Variants in EMC2 observed in about 807,000 individuals in gnomAD.
The protein encoded by EMC2 is TPR repeat protein 35.
A neutral mutation model predicts 51.6 loss-of-function variants in EMC2; 37 were observed. The observed-to-expected ratio is 0.72, with a 90% CI of 0.55 to 0.94. The LOEUF is 0.94. Ranked by LOEUF, EMC2 falls within the 40% of genes least tolerant of loss-of-function variation. The pLI is 0.00. For synonymous variants in EMC2, 131 were observed against 112.4 expected, an observed-to-expected ratio of 1.17 and a Z score of -1.04; for missense variants, 359 against 350.9, an observed-to-expected ratio of 1.02 and a Z score of -0.18.
chr8:108,443,919 C>G (rs955365478), intron 1 of EMC2, among the ~76,000 whole-genome samples: 1 of 152,164 alleles, frequency 6.6e-6, no homozygotes, highest in Non-Finnish European at 1.5e-5. Flanking sequence ...GTTGACCTGC[C>G]CTCCTCCGCG....
chr8:108,444,726 CTT>C (rs1178700570), intron 1 of EMC2, among the ~76,000 whole-genome samples: 1 of 152,148 alleles, frequency 6.6e-6, no homozygotes, highest in African/African-American at 2.4e-5. Flanking sequence ...GATTTATTGA[CTT>C]TATGGCCTCT....
rs769017888 is a variant in EMC2, at chr8:108,487,949, C to A, written c.*1351C>A. On this transcript the variant is annotated 3_prime_UTR_variant, in exon 11 of 11. Coordinates refer to ENST00000220853, the MANE Select transcript of EMC2 (RefSeq NM_014673.5). ...CTAATCTTTATTACCACAAAGATCCCGTCTTTGTACACATGAAATTAGTAA... is the reference window on the plus strand; with the variant it reads ...CTAATCTTTATTACCACAAAGATCCAGTCTTTGTACACATGAAATTAGTAA... Among the ~76,000 whole-genome samples, 23 of 152,096 alleles carry A rather than the reference C, an allele frequency of 1.5e-4. No individual in the cohort carries two copies. Among genetic ancestry groups the A allele is most frequent in the Non-Finnish European group, 2.9e-4 (20 of 68,006 alleles).
chr8:108,476,253 A>G (rs993372356), intron 8 of EMC2, among the ~76,000 whole-genome samples: 1 of 151,810 alleles, frequency 6.6e-6, no homozygotes, highest in African/African-American at 2.4e-5. Flanking sequence ...CTTGTGAGAC[A>G]TTTATAGTGA....
At chr8:108,467,957 A>T (rs1319482231) in intron 5 of EMC2, among the ~76,000 whole-genome samples, 1 of 152,174 alleles carries the variant, frequency 6.6e-6, no homozygotes, top group Non-Finnish European at 1.5e-5. Context: ...CTTTATATTG[A>T]TGCTTGAAGA....
chr8:108,453,216 T>A (rs1404862111), intron 4 of EMC2, 69 bp downstream of exon 4: 11 of 810,354 alleles, frequency 1.4e-5, no homozygotes, highest in Non-Finnish European at 2.0e-5. Flanking sequence ...TTTTTTTTTT[T>A]AATTCAGACA....
chr8:108,445,641 C>T (rs894514447), intron 1 of EMC2, among the ~76,000 whole-genome samples: 1 of 151,750 alleles, frequency 6.6e-6, no homozygotes, highest in Non-Finnish European at 1.5e-5. Flanking sequence ...ACAAAACACA[C>T]CTGCAATCCT....
chr8:108,473,742 G>A (rs530079416), intron 7 of EMC2: 26 of 152,096 alleles, frequency 1.7e-4, no homozygotes, highest in Non-Finnish European at 3.5e-4. Flanking sequence ...ACCAAATACT[G>A]TAACCTTTAG....
At chr8:108,446,446 C>T (rs1188751552) in intron 1 of EMC2, 1 of 240,806 alleles carries the variant, frequency 4.2e-6, no homozygotes, top group Non-Finnish European at 8.8e-6. Flanking sequence ...TGATGAAAGC[C>T]TGGGCATGGA....
At position 108,477,184 on chromosome 8, in the gene EMC2, A is replaced by T. The variant is rs564007738; in HGVS notation, c.702+292A>T. Among the ~76,000 whole-genome samples the T allele has an allele frequency of 7.2e-5, 11 of 152,040 alleles. No homozygotes were observed. The South Asian group carries it at 1.4e-3, about 20-fold the overall frequency. On this transcript the variant is annotated intron_variant, in intron 9 of 10. Transcript: ENST00000220853. ...GAAGAAAACATGATTTCTTGTTTTGATATTCTTGGGTTTATGCCCAACATT... is the reference window on the plus strand; with the variant it reads ...GAAGAAAACATGATTTCTTGTTTTGTTATTCTTGGGTTTATGCCCAACATT...
intron 10 of EMC2, among the ~76,000 whole-genome samples, chr8:108,483,110 C>G (rs1234763768): frequency 2.6e-5 from 4 of 152,066 alleles, no homozygotes; most frequent in Non-Finnish European, 4.4e-5. Context: ...TACCTAACAT[C>G]TCTTGCTGTA....
chr8:108,445,567 C>G (rs1471194652), intron 1 of EMC2, among the ~76,000 whole-genome samples: 2 of 151,810 alleles, frequency 1.3e-5, no homozygotes, highest in Admixed American at 6.6e-5. Flanking sequence ...ACTCTACTAC[C>G]CCCTTCCCTT....
rs200383361 is a variant in EMC2 at position 108,475,997 on chromosome 8, A to G, written c.591+34A>G. ...TTTCAGAACAATGGCATATAATTTT[A>G]TTTTGGTTACTATTCGGTGTTATTA... is the stretch of plus-strand genomic sequence containing the variant. On this transcript the variant is annotated intron_variant, in intron 8 of 10. Coordinates refer to ENST00000220853, the MANE Select transcript of EMC2 (RefSeq NM_014673.5). The G allele has an allele frequency of 2.3e-5, 28 of 1,216,364 alleles. No individual in the cohort carries two copies. In the East Asian group the frequency reaches 5.9e-4, roughly 26 times the overall value. 75.3% of individuals were successfully genotyped at this position (1,216,364 alleles called of 1,614,324 possible). A position where few individuals can be genotyped will look rare whatever the true frequency, so the allele number is the denominator to read the frequency against.
rs778840669 is a variant in EMC2, at chr8:108,453,101, C to A, written c.259C>A (p.His87Asn). ...GCTGAGAAGACAGTTCCCTGGCAGT[C>A]ACAGAGTCAAGCGATTAACAGGCAT... ...QELRRQFPGSHRVKRLTGMRF... is the reference protein window; with the variant it reads ...QELRRQFPGSNRVKRLTGMRF... The change falls in exon 4 of 11, where the codon CAC becomes AAC. Residue 87 changes from histidine to asparagine, a missense_variant. Transcript: ENST00000220853. 1.8e-5 allele frequency: 29 copies of A among 1,606,714 alleles called. No homozygotes were observed. The Admixed American group carries it at 1.9e-4, about 10-fold the overall frequency.
chr8:108,449,977 T>C (rs752099173), intron 2 of EMC2, 41 bp downstream of exon 2: 1 of 702,546 alleles, frequency 1.4e-6, no homozygotes, highest in East Asian at 3.0e-5. Context: ...ACATGCCTCA[T>C]TCATGGGCCT....
chr8:108,484,915 T>G (rs1449182387), intron 10 of EMC2, among the ~76,000 whole-genome samples: 1 of 152,090 alleles, frequency 6.6e-6, no homozygotes, highest in East Asian at 1.9e-4. Flanking sequence ...ATTTAACATA[T>G]GAATTCCTTA....
At chr8:108,462,795 G>C (rs1216779108) in intron 5 of EMC2, among the ~76,000 whole-genome samples, 2 of 151,734 alleles carry the variant, frequency 1.3e-5, no homozygotes, top group African/African-American at 4.8e-5. Flanking sequence ...GGAGTGCAGT[G>C]GTGCAATCTC....
At chr8:108,482,813 G>A (rs545669890) in intron 10 of EMC2, among the ~76,000 whole-genome samples, 1 of 152,028 alleles carries the variant, frequency 6.6e-6, no homozygotes, top group Non-Finnish European at 1.5e-5. Context: ...CAAACTCCTG[G>A]CCTCAAGTAA....
intron 5 of EMC2, among the ~76,000 whole-genome samples, chr8:108,465,233 C>T (rs1428510678): frequency 6.6e-6 from 1 of 152,080 alleles, no homozygotes; most frequent in Non-Finnish European, 1.5e-5. Flanking sequence ...TATTGTTTGG[C>T]ACTAGTGTAT....
rs763020311 is a variant in EMC2 at position 108,459,721 on chromosome 8, A to AGAGAGAGAGTGTGTGT, written c.363+3792_363+3793insAGAGAGAGTGTGTGTG. ...AGCCATGTGAGAGAGAGAGAGAGAGAGTGTGTGTGTGTGTGTGTGTGTGTG... is the reference window on the plus strand; with the variant it reads ...AGCCATGTGAGAGAGAGAGAGAGAGAGAGAGAGAGTGTGTGTGTGTGTGTGTGTGTGTGTGTGTGTG... On this transcript the variant is annotated intron_variant, in intron 5 of 10. Coordinates refer to ENST00000220853, the MANE Select transcript of EMC2 (RefSeq NM_014673.5). Among the ~76,000 whole-genome samples the AGAGAGAGAGTGTGTGT allele has an allele frequency of 7.0e-3, 957 of 136,934 alleles. 20 individuals carry two copies. Among genetic ancestry groups the AGAGAGAGAGTGTGTGT allele is most frequent in the African/African-American group, 0.027 (923 of 33,692 alleles). The allele number at this position is 136,934 out of a possible 152,430, so 89.8% of individuals were successfully genotyped here.
Sources: allele counts gnomAD v4.1 joint callset (sites outside exome capture counted in the v4.1 genomes callset), GRCh38; gene constraint gnomAD v4.1.1; transcripts MANE v1.5; gene names NCBI Gene and HGNC (gene_info 2026-07-23, HGNC 2026-07-21).